Variants in KLF12 observed in about 807,000 individuals in gnomAD.
KLF12 encodes the protein KLF transcription factor 12.
A neutral mutation model predicts 37.8 loss-of-function variants in KLF12; 9 were observed. That is an observed-to-expected ratio of 0.24 (90% CI 0.14 to 0.42). The LOEUF (loss-of-function observed/expected upper bound fraction) is 0.42. Among genes scored for constraint, KLF12 ranks in the 10% least tolerant of loss-of-function variants. The pLI is 1.00. For missense variants in KLF12, 411 were observed against 516.0 expected (o/e 0.80, Z 1.97); for synonymous variants, 208 against 202.1 (o/e 1.03, Z -0.25).
At chr13:73,852,651 C>A (rs1323075597) in intron 3 of KLF12, among the ~76,000 whole-genome samples, 1 of 151,524 alleles carries the variant, frequency 6.6e-6, no homozygotes, top group Non-Finnish European at 1.5e-5. Flanking sequence ...GTGGCGCGTG[C>A]CTGTAATCTC....
At chr13:74,086,443 T>A (rs1465296466) in intron 1 of KLF12, among the ~76,000 whole-genome samples, 2 of 152,062 alleles carry the variant, frequency 1.3e-5, no homozygotes, top group Non-Finnish European at 1.5e-5. Flanking sequence ...ACAAAGGACA[T>A]GAACTCATCA....
chr13:74,027,437 T>C (rs577564927), intron 1 of KLF12, among the ~76,000 whole-genome samples: 1 of 152,266 alleles, frequency 6.6e-6, no homozygotes, highest in African/African-American at 2.4e-5. Context: ...GGGGTAGGTA[T>C]GAGTGGCATA....
chr13:74,238,813 T>C, the KLF12 span, among the ~76,000 whole-genome samples: 1 of 152,196 alleles, frequency 6.6e-6, no homozygotes, highest in Admixed American at 6.5e-5. Flanking sequence ...TTATTGCGTC[T>C]ACTTGATTCT....
At chr13:74,037,203 C>CAA (rs200460958) in intron 1 of KLF12, among the ~76,000 whole-genome samples, 69 of 69,672 alleles carry the variant, frequency 9.9e-4, no homozygotes, top group African/African-American at 1.7e-3. Flanking sequence ...ACTCCGTCTC[C>CAA]AAAAAAAAAA....
In KLF12 at chr13:73,846,096, G is replaced by A; in HGVS notation, c.401C>T (p.Ser134Phe). ...TACTGTTGACGAAGATGACGCTGAA[G>A]ATACTGATGTGATAACAGTTGGGGA... The change falls in exon 4 of 8, where the codon TCT becomes TTT. Residue 134 changes from serine (S) to phenylalanine (F), a missense_variant. Ser to Phe is a radical substitution (Grantham distance 155). Coordinates refer to ENST00000377669, the MANE Select transcript of KLF12 (RefSeq NM_007249.5). The A allele has an allele frequency of 6.2e-7, 1 of 1,614,120 alleles. No homozygotes were observed. The highest frequency in any genetic ancestry group is 8.5e-7 in the Non-Finnish European group (1 of 1,180,010).
At position 73,846,050 on chromosome 13, in the gene KLF12, C is replaced by T; in HGVS notation, c.447G>A (p.Val149=). ...GGCCTCCAACACCAGATGCAGAGGC[C>T]ACAAGGGGCCCTGGAGTTAATACTG... The change falls in exon 4 of 8, where the codon GTG becomes GTA. Residue 149 remains valine, a synonymous_variant. Coordinates refer to ENST00000377669, the MANE Select transcript of KLF12 (RefSeq NM_007249.5). 1 of 1,614,002 alleles carries T rather than the reference C, an allele frequency of 6.2e-7. No homozygotes were observed. The highest frequency in any genetic ancestry group is 8.5e-7 in the Non-Finnish European group (1 of 1,179,990).
At chr13:73,980,813 A>C (rs1472220816) in intron 2 of KLF12, among the ~76,000 whole-genome samples, 1 of 152,192 alleles carries the variant, frequency 6.6e-6, no homozygotes, top group Non-Finnish European at 1.5e-5. Flanking sequence ...GTCAGCAGAC[A>C]CCCACAGTTA....
At chr13:74,269,359 A>T in the KLF12 span, among the ~76,000 whole-genome samples, 1 of 152,198 alleles carries the variant, frequency 6.6e-6, no homozygotes, top group Admixed American at 6.5e-5. Context: ...CATATAGAGC[A>T]TACTGAGTTC....
chr13:73,703,022 A>G (rs1423605658), intron 7 of KLF12, among the ~76,000 whole-genome samples: 1 of 152,172 alleles, frequency 6.6e-6, no homozygotes, highest in East Asian at 1.9e-4. Flanking sequence ...GAAATCTGAA[A>G]GAGCACACAG....
chr13:74,111,022 G>A (rs1876940555), intron 1 of KLF12, among the ~76,000 whole-genome samples: 1 of 151,900 alleles, frequency 6.6e-6, no homozygotes, highest in Non-Finnish European at 1.5e-5. Context: ...GCATGGTGGT[G>A]GGCGCCTGTA....
intron 3 of KLF12, among the ~76,000 whole-genome samples, chr13:73,881,649 T>G (rs554480625): frequency 1.1e-4 from 16 of 152,332 alleles, no homozygotes; most frequent in African/African-American, 3.8e-4. Context: ...AGGCAATTTT[T>G]GCACAACATG....
At chr13:74,179,805 T>C in the KLF12 span, among the ~76,000 whole-genome samples, 1 of 152,186 alleles carries the variant, frequency 6.6e-6, no homozygotes, top group Admixed American at 6.5e-5. Context: ...CTTTAATATG[T>C]CCTAAGAAAG....
intron 4 of KLF12, among the ~76,000 whole-genome samples, chr13:73,838,017 G>A (rs1884531247): frequency 1.3e-5 from 2 of 152,154 alleles, no homozygotes; most frequent in South Asian, 4.1e-4. Context: ...CTGAGTACAG[G>A]AAGGATTCAT....
chr13:73,803,754 G>A (rs911954998), intron 5 of KLF12, among the ~76,000 whole-genome samples: 3 of 147,128 alleles, frequency 2.0e-5, no homozygotes, highest in Admixed American at 1.4e-4. Flanking sequence ...CCTCTGAGCA[G>A]CACAACATAC....
chr13:73,846,271 G>A lies in KLF12; in HGVS notation c.226C>T (p.Gln76Ter). ...AAGTCCACTGGCTCAGTTTGTGTTT[G>A]GAAGTGATCTACAGATAACGAGTCC... The change falls in exon 4 of 8, where the codon CAA (glutamine) becomes TAA (stop). Residue 76 changes from glutamine (Q) to a stop codon, truncating the protein, a stop_gained. Coordinates refer to ENST00000377669, the MANE Select transcript of KLF12 (RefSeq NM_007249.5). LOFTEE classifies it high-confidence loss of function. The A allele has an allele frequency of 6.2e-7, 1 of 1,614,122 alleles. No individual in the cohort carries two copies. Among genetic ancestry groups the A allele is most frequent in the Non-Finnish European group, 8.5e-7 (1 of 1,180,016 alleles).
At chr13:73,730,085 C>T (rs929151732) in intron 6 of KLF12, among the ~76,000 whole-genome samples, 1 of 152,124 alleles carries the variant, frequency 6.6e-6, no homozygotes, top group African/African-American at 2.4e-5. Context: ...ACTACATAAA[C>T]CCATCTGAGG....
the KLF12 span, among the ~76,000 whole-genome samples, chr13:74,172,450 G>C: frequency 3.3e-5 from 5 of 152,150 alleles, no homozygotes; most frequent in Non-Finnish European, 7.3e-5. Flanking sequence ...GCCAATTGAT[G>C]TCATGGCTTA....
chr13:73,717,861 G>T lies in KLF12; in HGVS notation c.870-2336C>A, dbSNP rs1232039601. ...TTTTATCACTGGGTTTGAGTCCCAT[G>T]AACAAGTAAGACTGTGTGGTGATAA... On this transcript the variant is annotated intron_variant, in intron 6 of 7. Coordinates refer to ENST00000377669, the MANE Select transcript of KLF12 (RefSeq NM_007249.5). Among the ~76,000 whole-genome samples, 3 of 152,208 alleles carry T rather than the reference G, an allele frequency of 2.0e-5. No individual in the cohort carries two copies. In the East Asian group the frequency reaches 5.8e-4, roughly 29 times the overall value.
chr13:73,728,317 A>G (rs1876817908), intron 6 of KLF12, among the ~76,000 whole-genome samples: 1 of 152,216 alleles, frequency 6.6e-6, no homozygotes, highest in African/African-American at 2.4e-5. Context: ...TGTGTCCTGT[A>G]ACCTTGTTAA....
Sources: allele counts gnomAD v4.1 joint callset (sites outside exome capture counted in the v4.1 genomes callset), GRCh38; gene constraint gnomAD v4.1.1; transcripts MANE v1.5; gene names NCBI Gene and HGNC (gene_info 2026-07-23, HGNC 2026-07-21).